The following RPS6KA2 variants were observed in gnomAD, a reference collection of about 807,000 sequenced individuals.
RPS6KA2 encodes ribosomal protein S6 kinase alpha-2.
A neutral mutation model predicts 91.8 loss-of-function variants in RPS6KA2; 42 were observed. The ratio of observed to expected loss-of-function variants is 0.46; its 90% CI spans 0.36 to 0.59. The LOEUF is 0.59. Ranked by LOEUF, RPS6KA2 falls within the 20% of genes least tolerant of loss-of-function variation. The pLI is 0.00. For missense variants in RPS6KA2, 798 were observed against 978.5 expected, an observed-to-expected ratio of 0.82 and a Z score of 2.46; for synonymous variants, 414 against 393.6, an observed-to-expected ratio of 1.05 and a Z score of -0.61.
intron 3 of RPS6KA2, among the ~76,000 whole-genome samples, chr6:166,529,454 G>A (rs185265399): frequency 1.1e-3 from 164 of 152,240 alleles, no homozygotes; most frequent in Non-Finnish European, 2.1e-3. Context: ...ATAGCATTAG[G>A]AGATGTACCT....
At chr6:166,505,005 G>A (rs1383484439) in intron 5 of RPS6KA2, among the ~76,000 whole-genome samples, 1 of 152,202 alleles carries the variant, frequency 6.6e-6, no homozygotes, top group Non-Finnish European at 1.5e-5. Flanking sequence ...AAGACGCTGA[G>A]GGCTTGATGA....
chr6:166,694,359 G>A (rs547845877), intron 2 of RPS6KA2, among the ~76,000 whole-genome samples: 137 of 152,310 alleles, frequency 9.0e-4, no homozygotes, highest in African/African-American at 3.1e-3. Context: ...ATATTGTTTA[G>A]AAGACTCTGT....
intron 2 of RPS6KA2, among the ~76,000 whole-genome samples, chr6:166,805,190 C>A (rs944863515): frequency 2.6e-5 from 4 of 152,214 alleles, no homozygotes; most frequent in African/African-American, 9.6e-5. Flanking sequence ...CAGTTGCCTG[C>A]TCTCCACCCC....
chr6:166,729,547 G>T lies in RPS6KA2; in HGVS notation c.123+128653C>A, dbSNP rs186250489. On this transcript the variant is annotated intron_variant, in intron 2 of 21. Transcript: ENST00000503859. ...TGCAGAGATGGAATTTTGCCATGTT[G>T]CCCAAGCTGGTCTTGAACTCCTGGG... 4.7e-4 allele frequency among the ~76,000 whole-genome samples: 72 copies of T among 152,200 alleles called. 1 individual carries two copies. Among genetic ancestry groups the T allele is most frequent in the African/African-American group, 1.6e-3 (67 of 41,530 alleles).
intron 2 of RPS6KA2, among the ~76,000 whole-genome samples, chr6:166,675,770 A>G (rs571162217): frequency 3.1e-4 from 47 of 151,948 alleles, no homozygotes; most frequent in African/African-American, 1.1e-3. Flanking sequence ...CCTATTTTAA[A>G]TCGGGAGGAA....
At chr6:166,471,869 C>G (rs1156906796) in intron 10 of RPS6KA2, among the ~76,000 whole-genome samples, 1 of 152,232 alleles carries the variant, frequency 6.6e-6, no homozygotes. Flanking sequence ...CTCCCTTGTT[C>G]TCCTCTAAAC....
chr6:166,498,780 A>C (rs565574046), intron 7 of RPS6KA2, 130 bp from the exon 8 acceptor site: 2 of 1,208,714 alleles, frequency 1.7e-6, no homozygotes, highest in Non-Finnish European at 2.3e-6. Context: ...AGCCCTGCTC[A>C]GCAAAAGCGG....
chr6:166,430,693 G>C (rs983791283), intron 15 of RPS6KA2, 82 bp from the exon 16 acceptor site: 9 of 1,430,128 alleles, frequency 6.3e-6, no homozygotes, highest in African/African-American at 1.4e-5. Context: ...ACAGGAGAGG[G>C]AAGTCAGAGG....
At chr6:166,520,651 G>A (rs1782824667) in intron 3 of RPS6KA2, among the ~76,000 whole-genome samples, 1 of 152,216 alleles carries the variant, frequency 6.6e-6, no homozygotes, top group South Asian at 2.1e-4. Context: ...AATGGGTAGA[G>A]GTTGGAAGAG....
chr6:166,647,844 G>T (rs74433206), intron 2 of RPS6KA2, among the ~76,000 whole-genome samples: 16 of 44,584 alleles, frequency 3.6e-4, no homozygotes, highest in African/African-American at 1.3e-3. Context: ...GCTCACACAC[G>T]CACACGCACA....
chr6:166,773,529 G>A (rs971468099), intron 2 of RPS6KA2, among the ~76,000 whole-genome samples: 4 of 152,048 alleles, frequency 2.6e-5, no homozygotes, highest in Non-Finnish European at 5.9e-5. Flanking sequence ...AGCCTCGTGA[G>A]TAGCTGGGAT....
chr6:166,537,613 C>A (rs1373807235), intron 2 of RPS6KA2, among the ~76,000 whole-genome samples: 1 of 151,922 alleles, frequency 6.6e-6, no homozygotes, highest in Non-Finnish European at 1.5e-5. Context: ...CCATCCAGTT[C>A]ATGCGGACTG....
chr6:166,547,321 T>C (rs1042592380), intron 1 of RPS6KA2, among the ~76,000 whole-genome samples: 2 of 152,166 alleles, frequency 1.3e-5, no homozygotes, highest in African/African-American at 2.4e-5. Context: ...GCTTAAGTAA[T>C]GGATTTTTAA....
upstream of RPS6KA2, chr6:166,862,732 C>T (rs1355598866): frequency 6.7e-6 from 1 of 149,762 alleles, no homozygotes; most frequent in African/African-American, 2.5e-5. Context: ...GTCTTTCCCC[C>T]CCACCCCCAG....
At chr6:166,686,875 G>A (rs1479500512) in intron 2 of RPS6KA2, among the ~76,000 whole-genome samples, 2 of 152,324 alleles carry the variant, frequency 1.3e-5, no homozygotes, top group African/African-American at 2.4e-5. Flanking sequence ...CACAAATCCA[G>A]GACAGCACCA....
rs1289976398 is a variant in RPS6KA2 at position 166,413,937 on chromosome 6, A to G, written c.1939-6T>C. ...AGCATCTTGGACACGACGTCCTGCCAGGGAAGGTCATGAGAGTCGGGGGGA... is the reference window on the plus strand; with the variant it reads ...AGCATCTTGGACACGACGTCCTGCCGGGGAAGGTCATGAGAGTCGGGGGGA... On this transcript the variant is annotated splice_polypyrimidine_tract_variant and splice_region_variant and intron_variant, in intron 19 of 20. Coordinates refer to ENST00000265678, the MANE Select transcript of RPS6KA2 (RefSeq NM_021135.6). 4 of 1,613,376 alleles carry G rather than the reference A, an allele frequency of 2.5e-6. No homozygotes were observed. Among genetic ancestry groups the G allele is most frequent in the East Asian group, 2.2e-5 (1 of 44,862 alleles).
At position 166,506,699 on chromosome 6, in the gene RPS6KA2, G is replaced by A. The variant is rs544247136; in HGVS notation, c.459+1504C>T. 5.9e-5 allele frequency among the ~76,000 whole-genome samples: 9 copies of A among 152,250 alleles called. No individual in the cohort carries two copies. In the East Asian group the frequency reaches 1.5e-3, roughly 26 times the overall value. ...ATGGTCTCTGGGACCCTTTGCGCCC[G>A]ATTCAGGAGCAGCTCTGCCTTGGTT... is the stretch of plus-strand genomic sequence containing the variant. On this transcript the variant is annotated intron_variant, in intron 5 of 20. Coordinates refer to ENST00000265678, the MANE Select transcript of RPS6KA2 (RefSeq NM_021135.6).
At chr6:166,609,660 C>T (rs1207865181) in intron 1 of RPS6KA2, among the ~76,000 whole-genome samples, 1 of 152,002 alleles carries the variant, frequency 6.6e-6, no homozygotes, top group Non-Finnish European at 1.5e-5. Flanking sequence ...CCACCACTCC[C>T]AGCTAATTTT....
At chr6:166,468,311 C>G (rs1307462949) in intron 11 of RPS6KA2, among the ~76,000 whole-genome samples, 1 of 152,212 alleles carries the variant, frequency 6.6e-6, no homozygotes, top group Non-Finnish European at 1.5e-5. Flanking sequence ...AAACTTTACA[C>G]TCTTTTCTCT....
Sources: allele counts gnomAD v4.1 joint callset (sites outside exome capture counted in the v4.1 genomes callset), GRCh38; gene constraint gnomAD v4.1.1; transcripts MANE v1.5; gene names NCBI Gene and HGNC (gene_info 2026-07-23, HGNC 2026-07-21).